The following PCDHGA2 variants were observed in gnomAD, a reference collection of about 807,000 sequenced individuals.
PCDHGA2 encodes the protein protocadherin gamma subfamily A, 2.
A neutral mutation model predicts 59.2 loss-of-function variants in PCDHGA2; 40 were observed. That is an observed-to-expected ratio of 0.68 (90% CI 0.52 to 0.88). The LOEUF is 0.88. Among genes scored for constraint, PCDHGA2 ranks in the 40% least tolerant of loss-of-function variants. The pLI is 0.00. For missense variants in PCDHGA2, 1,226 were observed against 1,204.0 expected (o/e 1.02, Z -0.27); for synonymous variants, 560 against 526.0 (o/e 1.06, Z -0.89).
chr5:141,400,566 A>G (rs754437274), intron 1 of PCDHGA2: 94 of 1,612,572 alleles, frequency 5.8e-5, no homozygotes, highest in Non-Finnish European at 7.7e-5. Flanking sequence ...TACCCACCCA[A>G]TTTTCTGTAT....
rs1048081343 is a variant in PCDHGA2 at position 141,432,618 on chromosome 5, G to C, written c.2425-62189G>C. 6.2e-7 allele frequency: 1 copy of C among 1,612,806 alleles called. No individual in the cohort carries two copies. Among genetic ancestry groups the C allele is most frequent in the South Asian group, 1.1e-5 (1 of 90,950 alleles). ...AGCGAGCCGGGACTCTTCTCGGTGG[G>C]TCTGCACACGGGCGAGGTGCGCACG... On this transcript the variant is annotated intron_variant, in intron 1 of 3. Transcript: ENST00000394576. The surrounding 1 kb of genome is among the most constrained non-coding windows in gnomAD (Gnocchi z 6.0).
chr5:141,417,821 A>G (rs769813917), intron 1 of PCDHGA2: 1 of 1,514,942 alleles, frequency 6.6e-7, no homozygotes, highest in African/African-American at 1.4e-5. Flanking sequence ...ACTTTCTCCA[A>G]CTGGAAAAGC....
chr5:141,453,387 G>A (rs1313174494), intron 1 of PCDHGA2, among the ~76,000 whole-genome samples: 1 of 151,936 alleles, frequency 6.6e-6, no homozygotes, highest in Non-Finnish European at 1.5e-5. Flanking sequence ...TCCTGCCTTA[G>A]CCTCCAAGTG....
intron 1 of PCDHGA2, chr5:141,372,151 A>G: frequency 6.2e-7 from 1 of 1,613,654 alleles, no homozygotes; most frequent in South Asian, 1.1e-5. Flanking sequence ...GAGCCTGGCT[A>G]CCTGGTGACC....
At chr5:141,374,976 C>G (rs774690686) in intron 1 of PCDHGA2, 1 of 1,613,898 alleles carries the variant, frequency 6.2e-7, no homozygotes, top group African/African-American at 1.3e-5. Flanking sequence ...AATGTTTTGA[C>G]TGGAGAAATT....
intron 1 of PCDHGA2, among the ~76,000 whole-genome samples, chr5:141,482,794 G>A (rs374042779): frequency 6.2e-5 from 8 of 129,246 alleles, no homozygotes; most frequent in Non-Finnish European, 8.1e-5. Flanking sequence ...GTGTGTGGCC[G>A]GGTACGGTGG....
chr5:141,422,349 T>G, intron 1 of PCDHGA2: 1 of 1,554,722 alleles, frequency 6.4e-7, no homozygotes, highest in South Asian at 1.3e-5. Flanking sequence ...ATGTGCAAGA[T>G]CAAGATTCTG....
chr5:141,357,290 T>G lies in PCDHGA2; in HGVS notation c.2424+15895T>G, dbSNP rs773203887. 6 of 1,613,834 alleles carry G rather than the reference T, an allele frequency of 3.7e-6. No homozygotes were observed. The African/African-American group carries it at 8.0e-5, about 22-fold the overall frequency. On this transcript the variant is annotated intron_variant, in intron 1 of 3. Transcript: ENST00000394576. ...CTCACACTCTATCTCGTGGTGGCAG[T>G]GGCCGCTGTCTCCTGCGTCTTCCTG...
At chr5:141,421,371 T>C in intron 1 of PCDHGA2, 2 of 1,614,028 alleles carry the variant, frequency 1.2e-6, no homozygotes, top group Non-Finnish European at 1.7e-6. Flanking sequence ...TCGTGGGCAA[T>C]ATCTCCAAGG....
chr5:141,451,536 G>A (rs1183287437), intron 1 of PCDHGA2, among the ~76,000 whole-genome samples: 1 of 152,202 alleles, frequency 6.6e-6, no homozygotes, highest in Non-Finnish European at 1.5e-5. Context: ...GAGAGTGCCA[G>A]AGAGGGCAAA....
chr5:141,472,095 C>T (rs1186697747), intron 1 of PCDHGA2, among the ~76,000 whole-genome samples: 1 of 151,998 alleles, frequency 6.6e-6, no homozygotes, highest in African/African-American at 2.4e-5. Flanking sequence ...TATTATTATT[C>T]CCATTTTATA....
chr5:141,425,812 G>GA (rs574320012), intron 1 of PCDHGA2, among the ~76,000 whole-genome samples: 9 of 152,054 alleles, frequency 5.9e-5, no homozygotes, highest in South Asian at 4.1e-4. Flanking sequence ...CTTCTGCTTA[G>GA]AAAAAAACAA....
chr5:141,489,994 C>A lies in PCDHGA2; in HGVS notation c.2425-4813C>A, dbSNP rs1307285048. The A allele has an allele frequency of 1.2e-5, 19 of 1,614,192 alleles. No individual in the cohort carries two copies. The highest frequency in any genetic ancestry group is 1.6e-4 in the Middle Eastern group (1 of 6,062). On this transcript the variant is annotated intron_variant, in intron 1 of 3. Transcript: ENST00000394576. This position sits in a 1 kb window ranked among gnomAD's most constrained non-coding sequence, Gnocchi z 4.5. Reference sequence around the variant, plus strand: ...ATCCTCAGTTCTACGTGTGGGAATCCCAGAGAATGCACCCATTGGTACTCT... The same window carrying A: ...ATCCTCAGTTCTACGTGTGGGAATCACAGAGAATGCACCCATTGGTACTCT...
At chr5:141,406,312 C>G (rs2094792276) in intron 1 of PCDHGA2, among the ~76,000 whole-genome samples, 1 of 152,028 alleles carries the variant, frequency 6.6e-6, no homozygotes, top group African/African-American at 2.4e-5. Context: ...CCACCTCACC[C>G]AGCAAATTCT....
chr5:141,448,803 G>A (rs2098607666), intron 1 of PCDHGA2, among the ~76,000 whole-genome samples: 2 of 152,020 alleles, frequency 1.3e-5, no homozygotes, highest in South Asian at 4.1e-4. Flanking sequence ...AAATTAGCCA[G>A]GCGTGATGGC....
intron 1 of PCDHGA2, chr5:141,378,340 T>G (rs887140006): frequency 2.0e-5 from 3 of 152,166 alleles, no homozygotes; most frequent in African/African-American, 7.2e-5. Context: ...CTGACCAACA[T>G]GGTGAAACCC....
intron 1 of PCDHGA2, chr5:141,383,728 G>GGT (rs1554087976): frequency 1.9e-6 from 3 of 1,613,878 alleles, no homozygotes; most frequent in Non-Finnish European, 2.5e-6. Flanking sequence ...CAATGGGGAA[G>GGT]TGACATATTC....
chr5:141,451,301 G>T (rs963686418), intron 1 of PCDHGA2, among the ~76,000 whole-genome samples: 3 of 152,196 alleles, frequency 2.0e-5, no homozygotes, highest in Non-Finnish European at 4.4e-5. Flanking sequence ...AGTCTTACAA[G>T]GCAGCAATTA....
At position 141,341,061 on chromosome 5, in the gene PCDHGA2, T is replaced by C. The variant is rs550692048; in HGVS notation, c.2090T>C (p.Val697Ala). The stretch of plus-strand genomic sequence containing the variant: ...CTCACTCTGTACCTGGTGGTGGCGG[T>C]GGCCGCGGTCTCCTGCGTCTTCCTG... The part of the protein sequence containing the change: ...SDLTLYLVVA[V>A]AAVSCVFLAF... Residue 697 changes from valine (V) to alanine (A), a missense_variant, in exon 1 of 4, where the codon GTG (valine) becomes GCG (alanine). Val to Ala is a moderately conservative substitution (Grantham distance 64, BLOSUM62 0). Transcript: ENST00000394576. 64 of 1,614,130 alleles carry C rather than the reference T, an allele frequency of 4.0e-5. No homozygotes were observed. The highest frequency in any genetic ancestry group is 1.5e-4 in the South Asian group (14 of 91,066).
Sources: gnomAD v4.1 joint callset for allele counts (sites outside exome capture counted in the v4.1 genomes callset) on GRCh38, gnomAD v4.1.1 for gene constraint, Gnocchi (gnomAD v3.1) non-coding constraint, MANE v1.5 for transcripts, NCBI Gene and HGNC (gene_info 2026-07-23, HGNC 2026-07-21) for gene names.